Variants in COL23A1 observed in about 807,000 individuals in gnomAD.
COL23A1 encodes the protein collagen type XXIII alpha 1 chain.
A neutral mutation model predicts 99.3 loss-of-function variants in COL23A1; 97 were observed. The observed-to-expected ratio is 0.98, with a 90% confidence interval of 0.83 to 1.16. The LOEUF is 1.16. Among genes scored for constraint, COL23A1 ranks in the 50% most tolerant of loss-of-function variants. COL23A1 has a pLI of 0.00. For missense variants in COL23A1, 762 were observed against 757.4 expected, an observed-to-expected ratio of 1.01 and a Z score of -0.07; for synonymous variants, 320 against 308.2, an observed-to-expected ratio of 1.04 and a Z score of -0.40.
Position 178,247,781 on chromosome 5 carries a change from G to T in COL23A1, c.1263C>A (p.Gly421=). Residue 421 remains glycine, a synonymous_variant, in exon 21 of 29, where the codon GGC becomes GGA. Transcript: ENST00000390654. Reference sequence around the variant, plus strand: ...CAAAGCAAACCGTCCTTACCATCGGGCCTGGGGGGCCAGGGGGGCCAGGGG... The same window carrying T: ...CAAAGCAAACCGTCCTTACCATCGGTCCTGGGGGGCCAGGGGGGCCAGGGG... ...PGPPGPPGPP[G]PMGLQGIQGP... 1 of 1,613,444 alleles carries T rather than the reference G, an allele frequency of 6.2e-7. No individual in the cohort carries two copies. The highest frequency in any genetic ancestry group is 8.5e-7 in the Non-Finnish European group (1 of 1,179,478).
At chr5:178,541,040 G>A (rs948094718) in intron 2 of COL23A1, among the ~76,000 whole-genome samples, 3 of 152,228 alleles carry the variant, frequency 2.0e-5, no homozygotes, top group African/African-American at 7.2e-5. Flanking sequence ...GCAAATGACT[G>A]AGAACAGTCA....
intron 2 of COL23A1, among the ~76,000 whole-genome samples, chr5:178,333,119 A>G (rs2913790): frequency 0.52 from 78,632 of 151,746 alleles, 21,404 homozygotes; most frequent in East Asian, 0.9. Flanking sequence ...CACCGTGCCC[A>G]GCTAATTTTT....
chr5:178,314,546 T>G (rs1441304538), intron 2 of COL23A1, among the ~76,000 whole-genome samples: 1 of 152,098 alleles, frequency 6.6e-6, no homozygotes, highest in Admixed American at 6.5e-5. Context: ...CAGTGTCACA[T>G]TCACAGAGGG....
intron 2 of COL23A1, among the ~76,000 whole-genome samples, chr5:178,374,192 GGCATGGCTGAT>G (rs1762950133): frequency 6.6e-6 from 1 of 152,062 alleles, no homozygotes; most frequent in South Asian, 2.1e-4. Flanking sequence ...TGGCAGCAAG[GGCATGGCTGAT>G]GCTCCGTGAT....
At position 178,402,624 on chromosome 5, in the gene COL23A1, T is replaced by C. The variant is rs1581316355; in HGVS notation, c.362-95705A>G. Among the ~76,000 whole-genome samples, 5 of 152,206 alleles carry C rather than the reference T, an allele frequency of 3.3e-5. No homozygotes were observed. The South Asian group carries it at 1.0e-3, about 32-fold the overall frequency. ...GCAACTGGCTGTGTGTGGTGGCGCA[T>C]GCCTGTAGTCGCAGCTACTTGGGAG... On this transcript the variant is annotated intron_variant, in intron 2 of 28. Coordinates refer to ENST00000390654, the MANE Select transcript of COL23A1 (RefSeq NM_173465.4).
chr5:178,461,911 G>T (rs1254195444), intron 2 of COL23A1, among the ~76,000 whole-genome samples: 1 of 152,252 alleles, frequency 6.6e-6, no homozygotes. Context: ...TTCAAGAACA[G>T]AAGGAAATGT....
At chr5:178,258,649 C>A (rs1350726719) in intron 12 of COL23A1, among the ~76,000 whole-genome samples, 1 of 151,984 alleles carries the variant, frequency 6.6e-6, no homozygotes, top group Non-Finnish European at 1.5e-5. Context: ...CCTGCCTCGG[C>A]CTCCCAGAGT....
chr5:178,483,255 T>C (rs1757436050), intron 2 of COL23A1, among the ~76,000 whole-genome samples: 1 of 152,126 alleles, frequency 6.6e-6, no homozygotes, highest in African/African-American at 2.4e-5. Context: ...ATGAGTCCCT[T>C]TTGAATTACT....
intron 2 of COL23A1, among the ~76,000 whole-genome samples, chr5:178,470,024 G>C (rs1267203819): frequency 6.6e-6 from 1 of 152,214 alleles, no homozygotes; most frequent in African/African-American, 2.4e-5. Flanking sequence ...ACTCTAGCCA[G>C]CTAAATCAGT....
intron 5 of COL23A1, among the ~76,000 whole-genome samples, chr5:178,277,250 C>T (rs1756641276): frequency 1.3e-5 from 2 of 151,756 alleles, no homozygotes; most frequent in South Asian, 2.1e-4. Context: ...CCTGTAGCTC[C>T]CGCTACTCAG....
At chr5:178,285,178 C>G (rs750129934) in intron 5 of COL23A1, among the ~76,000 whole-genome samples, 2 of 152,166 alleles carry the variant, frequency 1.3e-5, no homozygotes, top group Non-Finnish European at 2.9e-5. Context: ...TGCCCCGTGT[C>G]CTCCAGCCAC....
intron 2 of COL23A1, among the ~76,000 whole-genome samples, chr5:178,403,389 T>C (rs1051633166): frequency 5.3e-5 from 8 of 152,178 alleles, no homozygotes; most frequent in African/African-American, 1.9e-4. Flanking sequence ...AATATGGCGC[T>C]AAAATGCTAC....
chr5:178,353,890 C>A (rs13158454), intron 2 of COL23A1, among the ~76,000 whole-genome samples: 1 of 150,158 alleles, frequency 6.7e-6, no homozygotes, highest in African/African-American at 2.5e-5. Flanking sequence ...AGATAGACCA[C>A]GATGTAGAAA....
intron 2 of COL23A1, among the ~76,000 whole-genome samples, chr5:178,418,182 A>G (rs1014195172): frequency 1.3e-5 from 2 of 152,234 alleles, no homozygotes; most frequent in Admixed American, 1.3e-4. Context: ...GTAAAATGTG[A>G]TAATGATAGC....
chr5:178,344,845 G>A, intron 2 of COL23A1: 2 of 744,484 alleles, frequency 2.7e-6, no homozygotes, highest in East Asian at 4.0e-5. Flanking sequence ...CATTGAAGAT[G>A]GCGGGGCGAT....
Position 178,256,393 on chromosome 5 carries a change from T to C in COL23A1, c.842A>G (p.Glu281Gly). 2 of 1,605,520 alleles carry C rather than the reference T, an allele frequency of 1.2e-6. No homozygotes were observed. Among genetic ancestry groups the C allele is most frequent in the Non-Finnish European group, 1.7e-6 (2 of 1,175,482 alleles). Residue 281 changes from glutamate to glycine, a missense_variant, in exon 15 of 29, where the codon GAG (glutamate) becomes GGG (glycine). Transcript: ENST00000390654. ...TCCATCCGTGCCTCGGTGGCCAGGCTCCCCCTGTGGAGACATGCATTTGCA... is the reference window on the plus strand; with the variant it reads ...TCCATCCGTGCCTCGGTGGCCAGGCCCCCCCTGTGGAGACATGCATTTGCA... ...GVDGAPGPKG[E>G]PGHRGTDGAA... is the part of the protein sequence containing the mutation.
intron 8 of COL23A1, among the ~76,000 whole-genome samples, chr5:178,264,834 C>G (rs142882001): frequency 6.6e-6 from 1 of 152,070 alleles, no homozygotes; most frequent in African/African-American, 2.4e-5. Flanking sequence ...TTAGTACAGA[C>G]GGGGTTTCAC....
chr5:178,386,876 T>A (rs746019113), intron 2 of COL23A1, among the ~76,000 whole-genome samples: 2 of 152,178 alleles, frequency 1.3e-5, no homozygotes, highest in Non-Finnish European at 2.9e-5. Context: ...ACTGGCTCTA[T>A]GCTGTGCCAC....
At chr5:178,249,704 ACACACACACACACTCTCTCTCTCT>A (rs1764910930) in intron 18 of COL23A1, among the ~76,000 whole-genome samples, 1 of 103,122 alleles carries the variant, frequency 9.7e-6, no homozygotes, top group Non-Finnish European at 2.2e-5. Context: ...ACACACACAC[ACACACACACACACTCTCTCTCTCT>A]CTCTCTCTCT....
Sources: gnomAD v4.1 joint callset for allele counts (sites outside exome capture counted in the v4.1 genomes callset) on GRCh38, gnomAD v4.1.1 for gene constraint, MANE v1.5 for transcripts, NCBI Gene and HGNC (gene_info 2026-07-23, HGNC 2026-07-21) for gene names.